IL1RAPL1: variants seen among roughly 807,000 people sequenced by gnomAD.
IL1RAPL1 encodes interleukin-1 receptor accessory protein-like 1.
Under a neutral mutation model 48.4 loss-of-function variants are expected in IL1RAPL1, and 3 were observed. That is an observed-to-expected ratio of 0.06 (90% confidence interval 0.03 to 0.16). The LOEUF (loss-of-function observed/expected upper bound fraction) is 0.16, where lower values mean the gene tolerates loss of function less well. IL1RAPL1 is among the 10% of genes least tolerant of loss of function. The probability of loss-of-function intolerance (pLI) is 1.00; values close to 1 mark genes in which losing one functional copy is unlikely to be tolerated. For synonymous variants in IL1RAPL1, 185 were observed against 187.7 expected, an observed-to-expected ratio of 0.99 and a Z score of 0.12; for missense variants, 349 against 530.6, an observed-to-expected ratio of 0.66 and a Z score of 3.36.
At chrX:29,281,282 G>A (rs779824013) in intron 2 of IL1RAPL1, among the ~76,000 whole-genome samples, 12 of 111,450 alleles carry the variant, frequency 1.1e-4, no homozygotes, top group Admixed American at 2.9e-4. Flanking sequence ...TCTGAGTAAT[G>A]CCAAATTGAT....
At chrX:29,458,942 G>A (rs1934772017) in intron 5 of IL1RAPL1, among the ~76,000 whole-genome samples, 1 of 111,728 alleles carries the variant, frequency 9.0e-6, no homozygotes, top group East Asian at 2.8e-4. Flanking sequence ...TTCACATTCT[G>A]TCACAACTAT....
chrX:29,205,450 T>C lies in IL1RAPL1; in HGVS notation c.83-77488T>C, dbSNP rs945463785. On this transcript the variant is annotated intron_variant, in intron 2 of 10. Transcript: ENST00000378993. ...CCTGGTCATATATATATTGATGTTATATAGCATGTTATCAGCTACATTTTG... is the reference window on the plus strand; with the variant it reads ...CCTGGTCATATATATATTGATGTTACATAGCATGTTATCAGCTACATTTTG... Among the ~76,000 whole-genome samples the C allele has an allele frequency of 9.9e-5, 11 of 111,315 alleles. No individual in the cohort carries two copies. The South Asian group carries it at 3.7e-3, about 38-fold the overall frequency.
At chrX:29,381,525 A>AAAAAAAAC (rs1569298983) in intron 3 of IL1RAPL1, among the ~76,000 whole-genome samples, 4 of 95,912 alleles carry the variant, frequency 4.2e-5, no homozygotes, top group Non-Finnish European at 8.3e-5. Context: ...AAAAAAAAAA[A>AAAAAAAAC]AAAACTTAGC....
chrX:29,339,024 G>GCC (rs1417243159), intron 3 of IL1RAPL1, among the ~76,000 whole-genome samples: 1 of 108,113 alleles, frequency 9.2e-6, no homozygotes, highest in African/African-American at 3.4e-5. Context: ...GCCCACCCGA[G>GCC]CCGCAGGTAC....
chrX:29,637,030 G>T (rs1447484903), intron 5 of IL1RAPL1, among the ~76,000 whole-genome samples: 7 of 100,542 alleles, frequency 7.0e-5, no homozygotes, highest in Non-Finnish European at 1.4e-4. Flanking sequence ...TTCAGCCTGG[G>T]CAACAAGAGG....
chrX:28,741,833 A>T (rs189372173), intron 1 of IL1RAPL1, among the ~76,000 whole-genome samples: 1 of 112,269 alleles, frequency 8.9e-6, no homozygotes, highest in African/African-American at 3.2e-5. Flanking sequence ...TTCTTGAATT[A>T]ACAAACTATT....
In IL1RAPL1 at chrX:29,298,401, T is replaced by A. The variant is rs188329236; in HGVS notation, c.362+15184T>A. On this transcript the variant is annotated intron_variant, in intron 3 of 10. Transcript: ENST00000378993. Reference sequence around the variant, plus strand: ...AAGGCTCAACCTCTTCAAACTGAAATCTGACTACTTCTGAGGTTGCACAAA... The same window carrying A: ...AAGGCTCAACCTCTTCAAACTGAAAACTGACTACTTCTGAGGTTGCACAAA... Among the ~76,000 whole-genome samples the A allele has an allele frequency of 4.7e-3, 530 of 111,908 alleles. 2 individuals carry two copies. Among genetic ancestry groups the A allele is most frequent in the African/African-American group, 0.016 (508 of 30,837 alleles).
At chrX:29,546,410 A>G (rs1921628250) in intron 5 of IL1RAPL1, among the ~76,000 whole-genome samples, 2 of 111,788 alleles carry the variant, frequency 1.8e-5, no homozygotes, top group Non-Finnish European at 3.8e-5. Context: ...AAAGGGAAAT[A>G]GCATGTGTCC....
At chrX:28,838,945 G>T (rs968477430) in intron 2 of IL1RAPL1, among the ~76,000 whole-genome samples, 8 of 110,975 alleles carry the variant, frequency 7.2e-5, no homozygotes, top group African/African-American at 2.6e-4. Context: ...AATTTCAAAT[G>T]ATTGGAGCTT....
chrX:28,903,611 A>G (rs1437158116), intron 2 of IL1RAPL1, among the ~76,000 whole-genome samples: 1 of 110,157 alleles, frequency 9.1e-6, no homozygotes, highest in Non-Finnish European at 1.9e-5. Context: ...CTAAGCTTGC[A>G]TTTCTTTTCC....
intron 1 of IL1RAPL1, among the ~76,000 whole-genome samples, chrX:28,676,511 T>C (rs992270682): frequency 9.0e-6 from 1 of 111,646 alleles, no homozygotes; most frequent in African/African-American, 3.3e-5. Flanking sequence ...GGCTGGTGGA[T>C]CACCTGAGGT....
At chrX:29,823,241 A>G (rs1212586542) in intron 6 of IL1RAPL1, among the ~76,000 whole-genome samples, 1 of 111,616 alleles carries the variant, frequency 9.0e-6, no homozygotes, top group Non-Finnish European at 1.9e-5. Context: ...GAAATCCACT[A>G]TGAGATGAAT....
chrX:28,726,027 T>C (rs779770243), intron 1 of IL1RAPL1, among the ~76,000 whole-genome samples: 43 of 112,501 alleles, frequency 3.8e-4, no homozygotes, highest in Non-Finnish European at 6.6e-4. Context: ...TGAAATAATA[T>C]TTAATGCTAC....
chrX:29,058,171 C>T (rs1342825003), intron 2 of IL1RAPL1, among the ~76,000 whole-genome samples: 2 of 110,239 alleles, frequency 1.8e-5, no homozygotes, highest in African/African-American at 6.6e-5. Context: ...GTCAGGAGAT[C>T]GAGACCATCC....
chrX:28,768,709 C>CTCTG lies in IL1RAPL1; in HGVS notation c.-24-20608_-24-20607insGTCT, dbSNP rs1483742786. 5.6e-4 allele frequency among the ~76,000 whole-genome samples: 37 copies of CTCTG among 66,497 alleles called. 1 individual carries two copies. Among genetic ancestry groups the CTCTG allele is most frequent in the Admixed American group, 1.1e-3 (6 of 5,324 alleles). The allele number at this position is 66,497 out of a possible 115,157, so 57.7% of individuals were successfully genotyped here. On this transcript the variant is annotated intron_variant, in intron 1 of 10. Transcript: ENST00000378993. ...TGTCTCTCTCTCTCTCTGTTTCTCTCTCTCTCTCTCTCTCTCTCTGTCTCT... is the reference window on the plus strand; with the variant it reads ...TGTCTCTCTCTCTCTCTGTTTCTCTCTCTGTCTCTCTCTCTCTCTCTCTGTCTCT...
chrX:29,319,363 A>ATTTTTTTTTTTTTTTTTT (rs1332065341), intron 3 of IL1RAPL1, among the ~76,000 whole-genome samples: 1 of 37,508 alleles, frequency 2.7e-5, no homozygotes, highest in Non-Finnish European at 5.7e-5. Context: ...AGATAAATTT[A>ATTTTTTTTTTTTTTTTTT]ATTTTTTTTT....
chrX:29,468,048 A>G (rs1240086056), intron 5 of IL1RAPL1, among the ~76,000 whole-genome samples: 1 of 110,715 alleles, frequency 9.0e-6, no homozygotes, highest in East Asian at 2.8e-4. Context: ...TTTGTTAGAG[A>G]CAGGGTTTCA....
intron 5 of IL1RAPL1, among the ~76,000 whole-genome samples, chrX:29,516,066 A>C (rs749922052): frequency 1.2e-3 from 135 of 111,963 alleles, no homozygotes; most frequent in Middle Eastern, 9.3e-3. Context: ...AATTGATTTT[A>C]GTTGTTTCAG....
At chrX:29,776,922 T>C (rs1223080766) in intron 6 of IL1RAPL1, among the ~76,000 whole-genome samples, 1 of 111,985 alleles carries the variant, frequency 8.9e-6, no homozygotes. Context: ...TCAACAAATA[T>C]CAGTTGATGA....
Sources: gnomAD v4.1 joint callset for allele counts (sites outside exome capture counted in the v4.1 genomes callset) on GRCh38, gnomAD v4.1.1 for gene constraint, MANE v1.5 for transcripts, NCBI Gene and HGNC (gene_info 2026-07-23, HGNC 2026-07-21) for gene names.